Variants in TRAPPC9 observed in about 807,000 individuals in gnomAD.
The protein encoded by TRAPPC9 is IKK2 binding protein.
TRAPPC9 carries 83 observed loss-of-function variants against 124.0 expected under a neutral mutation model. That is an observed-to-expected ratio of 0.67 (90% CI 0.56 to 0.80). The LOEUF (loss-of-function observed/expected upper bound fraction) is 0.80. TRAPPC9 is among the 30% of genes least tolerant of loss of function. The pLI, the probability that TRAPPC9 is intolerant of heterozygous loss-of-function variation, is 0.00. For synonymous variants in TRAPPC9, 638 were observed against 617.5 expected, an observed-to-expected ratio of 1.03 and a Z score of -0.49; for missense variants, 1,302 against 1,508.3, an observed-to-expected ratio of 0.86 and a Z score of 2.27.
At chr8:139,807,493 C>T (rs58554634) in intron 21 of TRAPPC9, among the ~76,000 whole-genome samples, 2,482 of 152,216 alleles carry the variant, frequency 0.016, 71 homozygotes, top group African/African-American at 0.058. Flanking sequence ...CTACACGGGG[C>T]GCTTCATAAA....
chr8:140,342,341 T>C (rs979818756), intron 9 of TRAPPC9, among the ~76,000 whole-genome samples: 1 of 152,240 alleles, frequency 6.6e-6, no homozygotes, highest in Non-Finnish European at 1.5e-5. Context: ...ACTAATATAT[T>C]TGGGATTTTG....
At chr8:139,857,170 G>A (rs1157512342) in intron 21 of TRAPPC9, among the ~76,000 whole-genome samples, 7 of 152,202 alleles carry the variant, frequency 4.6e-5, no homozygotes, top group African/African-American at 1.4e-4. Context: ...CAAGTGCACA[G>A]GGATCAGCAC....
intron 9 of TRAPPC9, among the ~76,000 whole-genome samples, chr8:140,339,841 G>C (rs547548225): frequency 6.6e-6 from 1 of 152,232 alleles, no homozygotes; most frequent in East Asian, 1.9e-4. Flanking sequence ...ACATACCACT[G>C]AGATAAACTT....
intron 17 of TRAPPC9, among the ~76,000 whole-genome samples, chr8:140,128,973 AT>A (rs1251055983): frequency 6.1e-4 from 81 of 132,840 alleles, no homozygotes; most frequent in East Asian, 2.4e-3. Flanking sequence ...CTATAATAAA[AT>A]ATATATATAT....
At chr8:140,152,235 TAAA>T (rs71320343) in intron 17 of TRAPPC9, among the ~76,000 whole-genome samples, 36 of 106,694 alleles carry the variant, frequency 3.4e-4, no homozygotes, top group African/African-American at 6.2e-4. Flanking sequence ...ACTTAAGCTT[TAAA>T]AAAAAAAAAA....
At chr8:139,929,327 G>T (rs1832986594) in intron 19 of TRAPPC9, among the ~76,000 whole-genome samples, 1 of 152,146 alleles carries the variant, frequency 6.6e-6, no homozygotes, top group Admixed American at 6.5e-5. Flanking sequence ...AAAGCTTGGG[G>T]TCACCAGGAT....
chr8:140,328,581 A>C (rs2066802227), intron 9 of TRAPPC9, among the ~76,000 whole-genome samples: 1 of 152,132 alleles, frequency 6.6e-6, no homozygotes, highest in Non-Finnish European at 1.5e-5. Context: ...TTGGGGACTC[A>C]GGGGGAAAGG....
At chr8:140,402,791 A>C (rs1382335058) in intron 6 of TRAPPC9, among the ~76,000 whole-genome samples, 3 of 152,224 alleles carry the variant, frequency 2.0e-5, no homozygotes, top group Admixed American at 6.5e-5. Context: ...AAAGATTCAT[A>C]GAAAGGAATG....
chr8:140,354,763 A>T (rs1478592307), intron 9 of TRAPPC9, among the ~76,000 whole-genome samples: 1 of 152,216 alleles, frequency 6.6e-6, no homozygotes, highest in Non-Finnish European at 1.5e-5. Flanking sequence ...CATCCAATAA[A>T]TTATAGTATC....
intron 5 of TRAPPC9, among the ~76,000 whole-genome samples, chr8:140,410,013 G>A (rs774800697): frequency 2.6e-5 from 4 of 151,972 alleles, no homozygotes; most frequent in South Asian, 2.1e-4. Flanking sequence ...GGTGGCACAC[G>A]CCTGTGATTC....
At position 139,804,502 on chromosome 8, in the gene TRAPPC9, CCACT is replaced by C. The variant is rs1563827305; in HGVS notation, c.3056-72304_3056-72301del. Among the ~76,000 whole-genome samples the C allele has an allele frequency of 5.6e-4, 70 of 124,034 alleles. 1 individual carries two copies. Among genetic ancestry groups the C allele is most frequent in the Middle Eastern group, 4.5e-3 (1 of 224 alleles). The allele number at this position is 124,034 out of a possible 152,430, so 81.4% of individuals were successfully genotyped here. ...CCAAACACCACCACCACACACACAA[CCACT>C]ACCACCCACCACCGCCACCACACAC... On this transcript the variant is annotated intron_variant, in intron 21 of 22. Coordinates refer to ENST00000438773, the MANE Select transcript of TRAPPC9 (RefSeq NM_001160372.4).
At chr8:139,877,141 T>C (rs1339034234) in intron 21 of TRAPPC9, among the ~76,000 whole-genome samples, 2 of 152,242 alleles carry the variant, frequency 1.3e-5, no homozygotes, top group African/African-American at 4.8e-5. Context: ...ATTCACTGGA[T>C]GTCTATGAAA....
intron 17 of TRAPPC9, among the ~76,000 whole-genome samples, chr8:140,134,411 G>A (rs2061262739): frequency 6.6e-6 from 1 of 152,128 alleles, no homozygotes; most frequent in African/African-American, 2.4e-5. Context: ...GATTACAGGT[G>A]CTTGTCACCG....
intron 9 of TRAPPC9, among the ~76,000 whole-genome samples, chr8:140,357,676 C>T (rs1057044555): frequency 2.0e-5 from 3 of 152,124 alleles, no homozygotes; most frequent in African/African-American, 7.2e-5. Flanking sequence ...ACTGCCCAAG[C>T]CGCCACTGAG....
In TRAPPC9 at chr8:139,984,648, C is replaced by T. The variant is rs1837128747; in HGVS notation, c.2810+4078G>A. The stretch of plus-strand genomic sequence containing the variant: ...GGTAGAGCCATTTCCACTTCCTCCA[C>T]CTGCACTGCTCTGCACAACCCCTCC... On this transcript the variant is annotated intron_variant, in intron 19 of 22. Coordinates refer to ENST00000438773, the MANE Select transcript of TRAPPC9 (RefSeq NM_001160372.4). The surrounding 1 kb of genome is among the most constrained non-coding windows in gnomAD (Gnocchi z 4.3). Among the ~76,000 whole-genome samples the T allele has an allele frequency of 1.3e-5, 2 of 152,190 alleles. No homozygotes were observed. The highest frequency in any genetic ancestry group is 1.3e-4 in the Admixed American group (2 of 15,274).
intron 21 of TRAPPC9, among the ~76,000 whole-genome samples, chr8:139,840,461 G>A (rs1480675977): frequency 6.6e-6 from 1 of 152,216 alleles, no homozygotes; most frequent in African/African-American, 2.4e-5. Flanking sequence ...CATGTGAACG[G>A]GGCCTGGAAG....
At chr8:140,151,138 C>A (rs1412909818) in intron 17 of TRAPPC9, among the ~76,000 whole-genome samples, 1 of 152,152 alleles carries the variant, frequency 6.6e-6, no homozygotes, top group African/African-American at 2.4e-5. Flanking sequence ...GGGAAGGTAT[C>A]TGACACCCCT....
chr8:140,055,209 G>C (rs1842229232), intron 17 of TRAPPC9, among the ~76,000 whole-genome samples: 1 of 152,134 alleles, frequency 6.6e-6, no homozygotes. Context: ...GCAAGGAAGG[G>C]TCAGCACAGG....
chr8:139,799,245 G>A (rs1254848505), intron 21 of TRAPPC9, among the ~76,000 whole-genome samples: 1 of 152,004 alleles, frequency 6.6e-6, no homozygotes, highest in Non-Finnish European at 1.5e-5. Context: ...GTGAGAGAAT[G>A]GACTAATACA....
Sources: gnomAD v4.1 joint callset for allele counts (sites outside exome capture counted in the v4.1 genomes callset) on GRCh38, gnomAD v4.1.1 for gene constraint, Gnocchi (gnomAD v3.1) non-coding constraint, MANE v1.5 for transcripts, NCBI Gene and HGNC (gene_info 2026-07-23, HGNC 2026-07-21) for gene names.